CRADD: variants seen among roughly 807,000 people sequenced by gnomAD.
The protein encoded by CRADD is death domain-containing protein CRADD.
A neutral mutation model predicts 15.5 loss-of-function variants in CRADD; 9 were observed. The observed-to-expected ratio is 0.58, with a 90% CI of 0.35 to 1.01. CRADD has a LOEUF of 1.01. CRADD is among the 50% of genes least tolerant of loss of function. The pLI, the probability that CRADD is intolerant of heterozygous loss-of-function variation, is 0.02. For synonymous variants in CRADD, 118 were observed against 107.6 expected, an observed-to-expected ratio of 1.10 and a Z score of -0.60; for missense variants, 227 against 250.3, an observed-to-expected ratio of 0.91 and a Z score of 0.63.
At chr12:93,724,747 C>T (rs1956323855) in intron 2 of CRADD, among the ~76,000 whole-genome samples, 2 of 152,028 alleles carry the variant, frequency 1.3e-5, no homozygotes, top group South Asian at 2.1e-4. Context: ...ATAATTGTTA[C>T]TGTTTTGTAT....
rs116822936 is a variant in CRADD at position 93,718,060 on chromosome 12, C to T, written c.298+38988C>T. On this transcript the variant is annotated intron_variant, in intron 2 of 2. Transcript: ENST00000332896. ...TTTGTCTGTTCTTCTACCGATATCA[C>T]ACTCTCTTGATGACTGTAGCTGTAC... is the stretch of plus-strand genomic sequence containing the variant. Among the ~76,000 whole-genome samples the T allele has an allele frequency of 4.3e-3, 649 of 152,330 alleles. 7 individuals carry two copies. The highest frequency in any genetic ancestry group is 0.015 in the African/African-American group (620 of 41,576).
At chr12:93,863,573 C>T (rs1266543149) in intron 2 of CRADD, among the ~76,000 whole-genome samples, 1 of 144,258 alleles carries the variant, frequency 6.9e-6, no homozygotes, top group Non-Finnish European at 1.5e-5. Context: ...TACTATGTGG[C>T]CTTTGAAAAT....
chr12:93,683,623 C>T (rs2136794690), intron 2 of CRADD, among the ~76,000 whole-genome samples: 1 of 152,316 alleles, frequency 6.6e-6, no homozygotes, highest in South Asian at 2.1e-4. Context: ...TCCATTTCCC[C>T]TCTACCTGTG....
rs139639378 is a variant in CRADD, at chr12:93,817,061, C to CT, written c.299-32900dup. Among the ~76,000 whole-genome samples the CT allele has an allele frequency of 9.3e-3, 1,404 of 151,418 alleles. 13 individuals are homozygous for CT. The highest frequency in any genetic ancestry group is 0.013 in the Non-Finnish European group (899 of 67,788). On this transcript the variant is annotated intron_variant, in intron 2 of 2. Transcript: ENST00000332896. Reference sequence around the variant, plus strand: ...AAATATAGTATTTTTAAAGTAATACCTTTTTTTTTCTCATTGTATCTTAAT... The same window carrying CT: ...AAATATAGTATTTTTAAAGTAATACCTTTTTTTTTTCTCATTGTATCTTAAT...
At chr12:93,771,554 T>C (rs911204725) in intron 2 of CRADD, among the ~76,000 whole-genome samples, 14 of 152,340 alleles carry the variant, frequency 9.2e-5, no homozygotes, top group Admixed American at 7.8e-4. Flanking sequence ...TTAACCAGTA[T>C]ACGTTTGTTA....
chr12:93,731,548 C>G (rs901068197), intron 2 of CRADD, among the ~76,000 whole-genome samples: 2 of 152,154 alleles, frequency 1.3e-5, no homozygotes, highest in Non-Finnish European at 2.9e-5. Context: ...GTTTACATAT[C>G]CAATCAGTGT....
chr12:93,802,576 C>A (rs572296100), intron 2 of CRADD, among the ~76,000 whole-genome samples: 26 of 152,274 alleles, frequency 1.7e-4, no homozygotes, highest in Admixed American at 5.2e-4. Flanking sequence ...CTAGTGCAAG[C>A]TCAAGAGGTG....
intron 2 of CRADD, among the ~76,000 whole-genome samples, chr12:93,822,967 T>C (rs1475446819): frequency 1.3e-5 from 2 of 152,204 alleles, no homozygotes; most frequent in East Asian, 1.9e-4. Context: ...ATGAACATGA[T>C]GATTTATGCA....
At chr12:93,845,960 C>G (rs887202200) in intron 2 of CRADD, among the ~76,000 whole-genome samples, 1 of 152,134 alleles carries the variant, frequency 6.6e-6, no homozygotes, top group Non-Finnish European at 1.5e-5. Flanking sequence ...TCCCCCACCC[C>G]CTGGCAACCA....
intron 2 of CRADD, among the ~76,000 whole-genome samples, chr12:93,797,127 G>A (rs1054174883): frequency 2.0e-5 from 3 of 152,150 alleles, no homozygotes; most frequent in Non-Finnish European, 4.4e-5. Context: ...GAGTGCTTGC[G>A]GAAGAAAAGG....
intron 2 of CRADD, among the ~76,000 whole-genome samples, chr12:93,734,151 TGTCCATCCATCCCATCCATCC>T (rs1360618993): frequency 1.3e-5 from 2 of 152,084 alleles, no homozygotes; most frequent in Admixed American, 1.3e-4. Context: ...TCCATCCATC[TGTCCATCCATCCCATCCATCC>T]GTCCATCCAT....
intron 2 of CRADD, among the ~76,000 whole-genome samples, chr12:93,699,584 C>A (rs1022813097): frequency 1.3e-5 from 2 of 152,196 alleles, no homozygotes; most frequent in South Asian, 4.1e-4. Flanking sequence ...CATCCCCCCA[C>A]CTTGTCTTTG....
intron 2 of CRADD, among the ~76,000 whole-genome samples, chr12:93,870,870 A>G (rs1420548133): frequency 1.3e-5 from 2 of 152,248 alleles, no homozygotes; most frequent in African/African-American, 4.8e-5. Context: ...TTTGGAAGAG[A>G]AAATGGAGAA....
Position 93,881,443 on chromosome 12 carries a change from G to T in CRADD, c.299-12607G>T, listed in dbSNP as rs868279204. ...GCAGCTCTCAAAAAAAAAGTGTGGG[G>T]GGGGGGTGGGGATCAATCCTTTGCA... On this transcript the variant is annotated intron_variant, in intron 2 of 2. Transcript: ENST00000548483. Among the ~76,000 whole-genome samples the T allele has an allele frequency of 9.0e-5, 13 of 144,298 alleles. No homozygotes were observed. The East Asian group carries it at 1.1e-3, about 13-fold the overall frequency. 94.7% of individuals were successfully genotyped at this position (144,298 alleles called of 152,430 possible).
intron 2 of CRADD, among the ~76,000 whole-genome samples, chr12:93,802,256 G>A (rs1018603038): frequency 2.0e-5 from 3 of 152,186 alleles, no homozygotes; most frequent in African/African-American, 7.2e-5. Flanking sequence ...AGTTCTTTAA[G>A]GAATCTCTAT....
chr12:93,790,554 G>A (rs188998886), intron 2 of CRADD: 175 of 151,834 alleles, frequency 1.2e-3, no homozygotes, highest in African/African-American at 4.2e-3. Context: ...TTTATTTATA[G>A]TTTTCTGGCT....
intron 2 of CRADD, among the ~76,000 whole-genome samples, chr12:93,753,368 C>T (rs556370143): frequency 9.2e-5 from 14 of 152,248 alleles, no homozygotes; most frequent in Middle Eastern, 3.4e-3. Context: ...TCATTCCACC[C>T]CTGGCCCCTC....
intron 2 of CRADD, among the ~76,000 whole-genome samples, chr12:93,686,914 A>ATTT (rs200107901): frequency 7.1e-6 from 1 of 140,642 alleles, no homozygotes; most frequent in Non-Finnish European, 1.6e-5. Flanking sequence ...GTACTAATGC[A>ATTT]TTTTTTTTTT....
intron 2 of CRADD, among the ~76,000 whole-genome samples, chr12:93,749,546 C>T (rs1044667781): frequency 1.2e-4 from 18 of 152,268 alleles, no homozygotes; most frequent in African/African-American, 4.1e-4. Flanking sequence ...TCCAGCCTTT[C>T]CCTTGTTTTT....
Sources: gnomAD v4.1 joint callset for allele counts (sites outside exome capture counted in the v4.1 genomes callset) on GRCh38, gnomAD v4.1.1 for gene constraint, MANE v1.5 for transcripts, NCBI Gene and HGNC (gene_info 2026-07-23, HGNC 2026-07-21) for gene names.